The following PLCH1 variants were observed in gnomAD, a reference collection of about 807,000 sequenced individuals.
The protein encoded by PLCH1 is 1-phosphatidylinositol 4,5-bisphosphate phosphodiesterase eta-1.
In PLCH1, 60 loss-of-function variants were observed where a neutral mutation model predicts 126.7. The ratio of observed to expected loss-of-function variants is 0.47; its 90% CI spans 0.38 to 0.59. The LOEUF (loss-of-function observed/expected upper bound fraction) is 0.59. PLCH1 is among the 20% of genes least tolerant of loss of function. The pLI is 0.00. For missense variants in PLCH1, 1,723 were observed against 2,040.0 expected (o/e 0.84, Z 2.99); for synonymous variants, 719 against 734.9 (o/e 0.98, Z 0.35).
In PLCH1 at chr3:155,594,144, C is replaced by A; in HGVS notation, c.267G>T (p.Gln89His). The A allele has an allele frequency of 6.2e-7, 1 of 1,614,076 alleles. No individual in the cohort carries two copies. The highest frequency in any genetic ancestry group is 1.1e-5 in the South Asian group (1 of 91,080). ...CAGCTTGTCTGTGGAATATTTCAGA[C>A]TGCCGGCCCTCAGTCACTTTGTAAA... is the stretch of plus-strand genomic sequence containing the variant. ...DSIYKVTEGR[Q>H]SEIFHRQAEG... is the part of the protein sequence containing the mutation. Residue 89 changes from glutamine to histidine, a missense_variant, in exon 4 of 23, where the codon CAG (glutamine) becomes CAT (histidine). Coordinates refer to ENST00000460012, the MANE Select transcript of PLCH1 (RefSeq NM_014996.4).
intron 6 of PLCH1, among the ~76,000 whole-genome samples, chr3:155,572,688 A>C (rs891443110): frequency 6.6e-6 from 1 of 150,672 alleles, no homozygotes; most frequent in Non-Finnish European, 1.5e-5. Flanking sequence ...TTAATTTCCA[A>C]GAGATTTTTT....
chr3:155,653,589 A>G (rs17205089), intron 2 of PLCH1, among the ~76,000 whole-genome samples: 11,073 of 152,106 alleles, frequency 0.073, 437 homozygotes, highest in Middle Eastern at 0.11. Context: ...ATATACCCTC[A>G]CTTTTCAAAT....
chr3:155,472,071 T>G (rs1199670863), intron 21 of PLCH1, among the ~76,000 whole-genome samples: 1 of 151,924 alleles, frequency 6.6e-6, no homozygotes, highest in Non-Finnish European at 1.5e-5. Context: ...AAGAAATAAC[T>G]GAAATCAGAG....
At chr3:155,577,024 T>A (rs1416629238) in intron 6 of PLCH1, among the ~76,000 whole-genome samples, 1 of 152,188 alleles carries the variant, frequency 6.6e-6, no homozygotes, top group Non-Finnish European at 1.5e-5. Flanking sequence ...GCATATTTTT[T>A]AATCTTTACT....
intron 1 of PLCH1, among the ~76,000 whole-genome samples, chr3:155,714,606 G>C (rs1242671272): frequency 6.6e-6 from 1 of 152,190 alleles, no homozygotes; most frequent in Non-Finnish European, 1.5e-5. Context: ...CAAGTTCCTG[G>C]TGTGTTTTCT....
chr3:155,577,909 G>A (rs1730188395), intron 6 of PLCH1, among the ~76,000 whole-genome samples: 2 of 152,132 alleles, frequency 1.3e-5, no homozygotes, highest in Admixed American at 1.3e-4. Flanking sequence ...AATATCTTGG[G>A]CAAAGGACTT....
At chr3:155,484,980 A>T (rs1237265537) in intron 22 of PLCH1, among the ~76,000 whole-genome samples, 1 of 152,232 alleles carries the variant, frequency 6.6e-6, no homozygotes, top group Non-Finnish European at 1.5e-5. Context: ...GAAATGTGTT[A>T]TATGGTAAGA....
chr3:155,660,723 G>A (rs1351376103), intron 2 of PLCH1, among the ~76,000 whole-genome samples: 1 of 152,100 alleles, frequency 6.6e-6, no homozygotes, highest in South Asian at 2.1e-4. Flanking sequence ...CTCATCTTCT[G>A]TGCATTGGGA....
intron 21 of PLCH1, chr3:155,456,735 A>G (rs1712452729): frequency 6.6e-6 from 1 of 152,296 alleles, no homozygotes; most frequent in African/African-American, 2.4e-5. Flanking sequence ...AAAAAAATAC[A>G]TTTTCTGCAT....
intron 6 of PLCH1, among the ~76,000 whole-genome samples, chr3:155,581,484 C>T (rs1310173667): frequency 2.6e-5 from 4 of 152,172 alleles, no homozygotes; most frequent in Admixed American, 6.5e-5. Context: ...AAATGAAATA[C>T]TGATAATGCT....
intron 2 of PLCH1, among the ~76,000 whole-genome samples, chr3:155,609,688 T>C (rs572185444): frequency 6.6e-6 from 1 of 151,944 alleles, no homozygotes; most frequent in Admixed American, 6.6e-5. Flanking sequence ...CAAATATATA[T>C]AATAAAGTAA....
chr3:155,456,341 A>G (rs1251170008), intron 21 of PLCH1, among the ~76,000 whole-genome samples: 1 of 151,976 alleles, frequency 6.6e-6, no homozygotes, highest in East Asian at 1.9e-4. Flanking sequence ...GAGCTAAAAA[A>G]AAAAAAAAAA....
At chr3:155,624,664 A>G (rs1736998092) in intron 2 of PLCH1, among the ~76,000 whole-genome samples, 1 of 152,190 alleles carries the variant, frequency 6.6e-6, no homozygotes, top group Non-Finnish European at 1.5e-5. Flanking sequence ...AGAATAAAAT[A>G]CCTAGAAATA....
chr3:155,671,922 G>GA (rs953865460), intron 2 of PLCH1, among the ~76,000 whole-genome samples: 11 of 152,136 alleles, frequency 7.2e-5, no homozygotes, highest in African/African-American at 1.9e-4. Flanking sequence ...AGAAGGCTGA[G>GA]AAAAAACTGT....
At chr3:155,607,444 G>T (rs1734507165) in intron 2 of PLCH1, among the ~76,000 whole-genome samples, 1 of 151,904 alleles carries the variant, frequency 6.6e-6, no homozygotes, top group Non-Finnish European at 1.5e-5. Context: ...TAAATACAAT[G>T]TTTATTTGTT....
chr3:155,497,429 C>T lies in PLCH1; in HGVS notation c.1797-12G>A, dbSNP rs762617416. ...TTCGGCGACCCAATCTGTGAAGTAC[C>T]CACAGAGGATGCATGACATTTTGGA... On this transcript the variant is annotated splice_polypyrimidine_tract_variant and intron_variant, in intron 14 of 22. Transcript: ENST00000460012. 1.9e-6 allele frequency: 3 copies of T among 1,571,486 alleles called. No homozygotes were observed. Among genetic ancestry groups the T allele is most frequent in the East Asian group, 4.5e-5 (2 of 44,642 alleles).
chr3:155,550,427 G>A (rs1397444518), intron 9 of PLCH1, among the ~76,000 whole-genome samples: 3 of 152,046 alleles, frequency 2.0e-5, no homozygotes, highest in Non-Finnish European at 4.4e-5. Flanking sequence ...TATGATTGAG[G>A]ATAAAATAAC....
At chr3:155,632,610 A>G (rs930999907) in intron 2 of PLCH1, among the ~76,000 whole-genome samples, 1 of 152,184 alleles carries the variant, frequency 6.6e-6, no homozygotes, top group Admixed American at 6.5e-5. Context: ...GACTGCTCAC[A>G]AAAAAATTGT....
chr3:155,542,090 C>A (rs1368175935), intron 10 of PLCH1, among the ~76,000 whole-genome samples: 1 of 152,204 alleles, frequency 6.6e-6, no homozygotes, highest in Non-Finnish European at 1.5e-5. Flanking sequence ...GGCATTGCCT[C>A]AATCGGGAAG....
Sources: allele counts gnomAD v4.1 joint callset (sites outside exome capture counted in the v4.1 genomes callset), GRCh38; gene constraint gnomAD v4.1.1; transcripts MANE v1.5; gene names NCBI Gene and HGNC (gene_info 2026-07-23, HGNC 2026-07-21).